Variants in NID2 observed in about 807,000 individuals in gnomAD.
NID2 encodes nidogen 2.
Under a neutral mutation model 145.4 loss-of-function variants are expected in NID2, and 83 were observed. The ratio of observed to expected loss-of-function variants is 0.57; its 90% confidence interval spans 0.48 to 0.69. The LOEUF (loss-of-function observed/expected upper bound fraction) is 0.69, where lower values mean the gene tolerates loss of function less well. Among genes scored for constraint, NID2 ranks in the 30% least tolerant of loss-of-function variants. The pLI is 0.00. For missense variants in NID2, 1,807 were observed against 1,765.7 expected, an observed-to-expected ratio of 1.02 and a Z score of -0.42; for synonymous variants, 739 against 701.3, an observed-to-expected ratio of 1.05 and a Z score of -0.85.
intron 20 of NID2, 127 bp from the exon 21 acceptor site, chr14:52,005,976 C>T: frequency 1.5e-6 from 1 of 674,680 alleles, no homozygotes; most frequent in Non-Finnish European, 2.7e-6. Flanking sequence ...AGGGCTGGTG[C>T]TAAAGCCATA....
intron 15 of NID2, among the ~76,000 whole-genome samples, chr14:52,014,840 T>C (rs1256099712): frequency 6.6e-6 from 1 of 152,112 alleles, no homozygotes; most frequent in Non-Finnish European, 1.5e-5. Context: ...GAGTTGCAGA[T>C]GTTCCAATTA....
rs535985901 is a variant in NID2, at chr14:52,060,132, A to G, written c.759T>C (p.Asn253=). The G allele has an allele frequency of 6.2e-6, 10 of 1,600,100 alleles. No individual in the cohort carries two copies. The African/African-American group carries it at 8.0e-5, about 13-fold the overall frequency. The change falls in exon 3 of 22, where the codon AAT becomes AAC. Residue 253 remains asparagine (N), a synonymous_variant. Coordinates refer to ENST00000216286, the MANE Select transcript of NID2 (RefSeq NM_007361.4). ...AGCTCAATGTTACTTACTGATAGAGATTTTTCACAGACTGTTCAGTGCTAG... is the reference window on the plus strand; with the variant it reads ...AGCTCAATGTTACTTACTGATAGAGGTTTTTCACAGACTGTTCAGTGCTAG... ...SLTSTEQSVK[N]LYQLSNLGIP...
chr14:52,054,572 G>T (rs867131829), intron 3 of NID2, among the ~76,000 whole-genome samples: 2 of 152,170 alleles, frequency 1.3e-5, no homozygotes, highest in Non-Finnish European at 1.5e-5. Context: ...GCCAGGCATG[G>T]TGCCACATGC....
intron 5 of NID2, among the ~76,000 whole-genome samples, chr14:52,048,662 C>T (rs966229939): frequency 1.3e-5 from 2 of 152,098 alleles, no homozygotes; most frequent in Admixed American, 6.5e-5. Flanking sequence ...TCTTCTGGCT[C>T]TAAATCCCAT....
Position 52,020,124 on chromosome 14 carries a change from G to C in NID2, c.2729C>G (p.Thr910Ser). 1 of 1,614,174 alleles carries C rather than the reference G, an allele frequency of 6.2e-7. No individual in the cohort carries two copies. Among genetic ancestry groups the C allele is most frequent in the Non-Finnish European group, 8.5e-7 (1 of 1,179,984 alleles). The change falls in exon 13 of 22, where the codon ACT becomes AGT. Residue 910 changes from threonine (T) to serine (S), a missense_variant. By Grantham distance (58) the Thr-to-Ser change is moderately conservative. Transcript: ENST00000216286. ...ACAACGGCAGGAGAAGGAACCAGGA[G>C]TATTGTAGCAGGTAGCTGCAGGGTG... ...RCHPAATCYN[T>S]PGSFSCRCQP...
At chr14:52,032,804 G>A (rs2357310) in intron 9 of NID2, among the ~76,000 whole-genome samples, 1,450 of 141,588 alleles carry the variant, frequency 0.01, 14 homozygotes, top group African/African-American at 0.027. Context: ...GGCATTAAAA[G>A]AAAAAAAAAA....
At chr14:52,040,366 G>A (rs536960088) in intron 8 of NID2, among the ~76,000 whole-genome samples, 58 of 152,062 alleles carry the variant, frequency 3.8e-4, no homozygotes, top group African/African-American at 1.4e-3. Flanking sequence ...GTTAAAAACT[G>A]TATATAATTA....
chr14:52,027,689 A>G (rs1595019753), intron 11 of NID2, among the ~76,000 whole-genome samples: 1 of 141,696 alleles, frequency 7.1e-6, no homozygotes, highest in Admixed American at 7.4e-5. Context: ...TGTCACTTTT[A>G]CCCTCATCCC....
At chr14:52,023,411 C>T (rs1263597898) in intron 12 of NID2, among the ~76,000 whole-genome samples, 1 of 151,856 alleles carries the variant, frequency 6.6e-6, no homozygotes, top group Non-Finnish European at 1.5e-5. Flanking sequence ...GCTGTAATCA[C>T]ACCACTGCCC....
chr14:52,005,720 T>G lies in NID2; in HGVS notation c.4117+17A>C, dbSNP rs1173349838. ...ACCCTGCTAATTTAAAGGAGCATCCTAAAGCATACTTTTTACCTGTTGGGC... is the reference window on the plus strand; with the variant it reads ...ACCCTGCTAATTTAAAGGAGCATCCGAAAGCATACTTTTTACCTGTTGGGC... On this transcript the variant is annotated intron_variant, in intron 21 of 21. Transcript: ENST00000216286. The G allele has an allele frequency of 1.9e-6, 3 of 1,590,892 alleles. No homozygotes were observed. The highest frequency in any genetic ancestry group is 1.1e-5 in the South Asian group (1 of 90,538).
chr14:52,054,112 T>A lies in NID2; in HGVS notation c.977A>T (p.Glu326Val), dbSNP rs1892771072. 3 of 1,614,148 alleles carry A rather than the reference T, an allele frequency of 1.9e-6. No individual in the cohort carries two copies. The East Asian group carries it at 6.7e-5, about 36-fold the overall frequency. Residue 326 changes from glutamate (E) to valine (V), a missense_variant, in exon 4 of 22, where the codon GAA becomes GTA. Glu to Val is a moderately radical substitution (Grantham distance 121). Transcript: ENST00000216286. ...DYYDVNEEEA[E>V]YLPGEPEEAL... Reference sequence around the variant, plus strand: ...CTCCTCTGGTTCACCCGGAAGGTATTCAGCTTCCTCCTCATTCACATCATA... The same window carrying A: ...CTCCTCTGGTTCACCCGGAAGGTATACAGCTTCCTCCTCATTCACATCATA...
chr14:52,064,733 G>T (rs1046026818), intron 2 of NID2, among the ~76,000 whole-genome samples: 12 of 152,246 alleles, frequency 7.9e-5, no homozygotes, highest in African/African-American at 1.7e-4. Context: ...TTGCTAATAG[G>T]TTGCTCTCTC....
rs1207490051 is a variant in NID2 at position 52,015,192 on chromosome 14, G to A, written c.3112C>T (p.Gln1038Ter). Residue 1038 changes from glutamine to a stop codon, truncating the protein, a stop_gained, in exon 15 of 22, where the codon CAG (glutamine) becomes TAG (stop). Coordinates refer to ENST00000216286, the MANE Select transcript of NID2 (RefSeq NM_007361.4). LOFTEE classifies it high-confidence loss of function. ...AGGTCATCGCACTGGGGCACGTACT[G>A]GTCATCCCGGGGGGTGCCACCGTAG... is the stretch of plus-strand genomic sequence containing the variant. Reference protein sequence around the residue: ...EHYGGTPRDDQYVPQCDDLGH... With the variant: ...EHYGGTPRDD 6.2e-7 allele frequency: 1 copy of A among 1,614,068 alleles called. No homozygotes were observed. Among genetic ancestry groups the A allele is most frequent in the Non-Finnish European group, 8.5e-7 (1 of 1,179,996 alleles).
chr14:52,050,222 T>C (rs1361677324), intron 5 of NID2, among the ~76,000 whole-genome samples: 1 of 152,212 alleles, frequency 6.6e-6, no homozygotes, highest in East Asian at 1.9e-4. Context: ...GGCAGTCCCA[T>C]GGTCCCAGGC....
At chr14:52,034,403 G>A (rs190506277) in intron 9 of NID2, among the ~76,000 whole-genome samples, 59 of 152,256 alleles carry the variant, frequency 3.9e-4, no homozygotes, top group Middle Eastern at 3.4e-3. Flanking sequence ...TCCCCAGTAG[G>A]TTTAAATCTC....
intron 2 of NID2, among the ~76,000 whole-genome samples, chr14:52,065,878 C>T (rs981532215): frequency 2.8e-5 from 4 of 142,890 alleles, no homozygotes; most frequent in Non-Finnish European, 6.0e-5. Context: ...TGTATATGTG[C>T]CACATTTTCT....
Position 52,019,111 on chromosome 14 carries a change from C to T in NID2, c.2978G>A (p.Gly993Asp). ...GGTGGAGCCAGGTGGAGTCTGGGTA[C>T]CAGGAACTTCATGACCATCAGGGTC... ...CVDPDGHEVP[G>D]TQTPPGSTPP... The change falls in exon 14 of 22, where the codon GGT becomes GAT. Residue 993 changes from glycine (G) to aspartate (D), a missense_variant. Gly to Asp is a moderately conservative substitution (Grantham distance 94). Transcript: ENST00000216286. 6.2e-7 allele frequency: 1 copy of T among 1,614,022 alleles called. No individual in the cohort carries two copies. The highest frequency in any genetic ancestry group is 8.5e-7 in the Non-Finnish European group (1 of 1,179,988).
chr14:52,040,712 G>A lies in NID2; in HGVS notation c.1965C>T (p.Val655=). 1 of 1,614,140 alleles carries A rather than the reference G, an allele frequency of 6.2e-7. No homozygotes were observed. Among genetic ancestry groups the A allele is most frequent in the Non-Finnish European group, 8.5e-7 (1 of 1,180,020 alleles). Residue 655 remains valine, a synonymous_variant, in exon 8 of 22, where the codon GTC becomes GTT. Coordinates refer to ENST00000216286, the MANE Select transcript of NID2 (RefSeq NM_007361.4). The stretch of plus-strand genomic sequence containing the variant: ...AGATGTGGGCTGTGAAATTTGCTGA[G>A]ACGTAAGGCACCTGGCCTTGAATGT... The part of the protein sequence containing the change: ...KTNIQGQVPY[V]SANFTAHISP...
At chr14:52,046,542 G>A (rs1234007499) in intron 5 of NID2, among the ~76,000 whole-genome samples, 3 of 152,174 alleles carry the variant, frequency 2.0e-5, no homozygotes, top group African/African-American at 4.8e-5. Context: ...TAGATATGGA[G>A]AGTTAAACTA....
Sources: allele counts gnomAD v4.1 joint callset (sites outside exome capture counted in the v4.1 genomes callset), GRCh38; gene constraint gnomAD v4.1.1; transcripts MANE v1.5; gene names NCBI Gene and HGNC (gene_info 2026-07-23, HGNC 2026-07-21).